Variants in ZNF654 observed in about 807,000 individuals in gnomAD.
ZNF654 encodes zinc finger protein 654, also known as melanoma-associated antigen.
Under a neutral mutation model 95.3 loss-of-function variants are expected in ZNF654, and 19 were observed. That is an observed-to-expected ratio of 0.20 (90% CI 0.14 to 0.29). ZNF654 has a LOEUF of 0.29. Ranked by LOEUF, ZNF654 falls within the 10% of genes least tolerant of loss-of-function variation. The pLI is 1.00. For synonymous variants in ZNF654, 413 were observed against 457.9 expected, an observed-to-expected ratio of 0.90 and a Z score of 1.25; for missense variants, 1,046 against 1,341.0, an observed-to-expected ratio of 0.78 and a Z score of 3.44.
intron 3 of ZNF654, among the ~76,000 whole-genome samples, chr3:88,115,549 T>C (rs1371749484): frequency 2.6e-5 from 4 of 152,194 alleles, no homozygotes; most frequent in Admixed American, 1.3e-4. Flanking sequence ...TGGATTTTTA[T>C]TTTTACAATA....
intron 2 of ZNF654, among the ~76,000 whole-genome samples, chr3:88,088,749 T>TGG (rs1346042890): frequency 4.3e-5 from 3 of 69,906 alleles, no homozygotes; most frequent in African/African-American, 1.3e-4. Flanking sequence ...TTTATTTATG[T>TGG]ATGTATGTAT....
At position 88,139,152 on chromosome 3, in the gene ZNF654, T is replaced by C. The variant is rs1458615164; in HGVS notation, c.1483T>C (p.Leu495=). 1 of 1,319,380 alleles carries C rather than the reference T, an allele frequency of 7.6e-7. No individual in the cohort carries two copies. The highest frequency in any genetic ancestry group is 2.7e-5 in the South Asian group (1 of 36,732). 81.7% of individuals were successfully genotyped at this position (1,319,380 alleles called of 1,614,324 possible). Residue 495 remains leucine, a synonymous_variant, in exon 8 of 9, where the codon TTG becomes CTG. Coordinates refer to ENST00000636215, the MANE Select transcript of ZNF654 (RefSeq NM_001350134.2). The part of the protein sequence containing the change: ...NLKRTEEQQG[L]DEGFDSLTDQ... ...AAAAAGGACGGAGGAACAGCAAGGTTTGGATGAAGGGTTTGACTCTCTTAC... is the reference window on the plus strand; with the variant it reads ...AAAAAGGACGGAGGAACAGCAAGGTCTGGATGAAGGGTTTGACTCTCTTAC...
At chr3:88,101,956 G>T (rs1704451796) in intron 2 of ZNF654, among the ~76,000 whole-genome samples, 1 of 151,648 alleles carries the variant, frequency 6.6e-6, no homozygotes, top group Non-Finnish European at 1.5e-5. Context: ...TATTTTCTTT[G>T]GCAAAATCTA....
In ZNF654 at chr3:88,140,896, C is replaced by T. The variant is rs1707087364; in HGVS notation, c.3227C>T (p.Ala1076Val). The change falls in exon 8 of 9, where the codon GCC becomes GTC. Residue 1076 changes from alanine to valine, a missense_variant. By Grantham distance (64) the Ala-to-Val change is moderately conservative. This residue lies in a region of ZNF654 where 59 missense variants were observed against 73.0 expected (regional missense o/e 0.81). Coordinates refer to ENST00000636215, the MANE Select transcript of ZNF654 (RefSeq NM_001350134.2). The part of the protein sequence containing the change: ...RRKFLTDRVD[A>V]CSDQDNVYKK... Reference sequence around the variant, plus strand: ...AAATTTCTGACTGATAGAGTAGATGCCTGTTCTGATCAAGATAACGTGTAT... The same window carrying T: ...AAATTTCTGACTGATAGAGTAGATGTCTGTTCTGATCAAGATAACGTGTAT... 2 of 1,613,514 alleles carry T rather than the reference C, an allele frequency of 1.2e-6. No individual in the cohort carries two copies. Among genetic ancestry groups the T allele is most frequent in the African/African-American group, 2.7e-5 (2 of 74,962 alleles).
rs137950547 is a variant in ZNF654, at chr3:88,133,976, G to A, written c.894-1085G>A. Among the ~76,000 whole-genome samples, 72 of 152,162 alleles carry A rather than the reference G, an allele frequency of 4.7e-4. No homozygotes were observed. The East Asian group carries it at 0.012, about 24-fold the overall frequency. The stretch of plus-strand genomic sequence containing the variant: ...GTTTTGCAGGAATATGATTAGTTCT[G>A]AGTGGGTTCAGGTGATGGAAAGCAA... On this transcript the variant is annotated intron_variant, in intron 6 of 8. Coordinates refer to ENST00000636215, the MANE Select transcript of ZNF654 (RefSeq NM_001350134.2).
chr3:88,112,850 A>G (rs1307216666), intron 2 of ZNF654, among the ~76,000 whole-genome samples: 1 of 152,034 alleles, frequency 6.6e-6, no homozygotes, highest in East Asian at 1.9e-4. Flanking sequence ...ATTGTATTGC[A>G]TTGTGGTCAT....
intron 3 of ZNF654, among the ~76,000 whole-genome samples, chr3:88,123,801 C>T (rs1705923679): frequency 6.6e-6 from 1 of 152,134 alleles, no homozygotes; most frequent in Non-Finnish European, 1.5e-5. Flanking sequence ...TAGTGTCCAA[C>T]TTACCTTATT....
rs1443070994 is a variant in ZNF654 at position 88,143,002 on chromosome 3, G to T, written c.*1350G>T. The T allele has an allele frequency of 1.3e-5, 2 of 152,004 alleles. No homozygotes were observed. Among genetic ancestry groups the T allele is most frequent in the African/African-American group, 4.8e-5 (2 of 41,342 alleles). The allele number at this position is 152,004 out of a possible 1,614,324, so 9.4% of individuals were successfully genotyped here. A position where few individuals can be genotyped will look rare whatever the true frequency, so the allele number is the denominator to read the frequency against. ...CTAATAGTGTGTAAATCTAAAACAG[G>T]GATTAAAATAACAAAAAGGCAGTGT... On this transcript the variant is annotated 3_prime_UTR_variant, in exon 9 of 9. Transcript: ENST00000636215.
rs1707258994 is a variant in ZNF654, at chr3:88,144,379, T to C, written c.*2727T>C. 6.6e-6 allele frequency: 1 copy of C among 152,440 alleles called. No homozygotes were observed. Among genetic ancestry groups the C allele is most frequent in the South Asian group, 2.1e-4 (1 of 4,834 alleles). The allele number at this position is 152,440 out of a possible 1,614,324, so 9.4% of individuals were successfully genotyped here. ...ATGAAAAACCTAAAAGGGATGATAGTGTTTATTTTTTAATTTATTTGGTAC... is the reference window on the plus strand; with the variant it reads ...ATGAAAAACCTAAAAGGGATGATAGCGTTTATTTTTTAATTTATTTGGTAC... On this transcript the variant is annotated 3_prime_UTR_variant, in exon 9 of 9. Transcript: ENST00000636215.
At chr3:88,071,509 G>A (rs1043784501) in intron 1 of ZNF654, among the ~76,000 whole-genome samples, 6 of 152,162 alleles carry the variant, frequency 3.9e-5, no homozygotes, top group South Asian at 2.1e-4. Flanking sequence ...GGCTGGGCGC[G>A]GTAGCGGGCG....
chr3:88,066,372 G>A (rs896041044), intron 1 of ZNF654, among the ~76,000 whole-genome samples: 19 of 152,142 alleles, frequency 1.2e-4, no homozygotes, highest in African/African-American at 4.6e-4. Flanking sequence ...TCAGGAGTTC[G>A]ATACCAGCCT....
rs141314769 is a variant in ZNF654, at chr3:88,113,255, C to T, written c.414+59C>T. The T allele has an allele frequency of 2.0e-4, 207 of 1,040,930 alleles. No homozygotes were observed. The African/African-American group carries it at 2.4e-3, about 12-fold the overall frequency. 64.5% of individuals were successfully genotyped at this position (1,040,930 alleles called of 1,614,324 possible). A position where few individuals can be genotyped will look rare whatever the true frequency, so the allele number is the denominator to read the frequency against. On this transcript the variant is annotated intron_variant, in intron 3 of 8. Coordinates refer to ENST00000636215, the MANE Select transcript of ZNF654 (RefSeq NM_001350134.2). Reference sequence around the variant, plus strand: ...ACACTTAAAATAGACCATTATGCTCCCCCTAAATATAGCTTATTGGTTATT... The same window carrying T: ...ACACTTAAAATAGACCATTATGCTCTCCCTAAATATAGCTTATTGGTTATT...
At chr3:88,063,204 C>T (rs1397530085) in intron 1 of ZNF654, among the ~76,000 whole-genome samples, 1 of 152,068 alleles carries the variant, frequency 6.6e-6, no homozygotes, top group Non-Finnish European at 1.5e-5. Context: ...CAGGATGGCT[C>T]TAACAACAAA....
At chr3:88,061,762 T>G (rs1195088917) in intron 1 of ZNF654, among the ~76,000 whole-genome samples, 1 of 152,226 alleles carries the variant, frequency 6.6e-6, no homozygotes, top group African/African-American at 2.4e-5. Context: ...TTTAAAAATT[T>G]GGTTTTCTGA....
intron 1 of ZNF654, among the ~76,000 whole-genome samples, chr3:88,068,177 A>T (rs1427569845): frequency 6.6e-6 from 1 of 151,692 alleles, no homozygotes; most frequent in African/African-American, 2.4e-5. Flanking sequence ...GATCATTGTG[A>T]ATGCAGAGTG....
In ZNF654 at chr3:88,140,908, A is replaced by C; in HGVS notation, c.3239A>C (p.Gln1080Pro). 3.7e-6 allele frequency: 6 copies of C among 1,613,634 alleles called. No individual in the cohort carries two copies. Among genetic ancestry groups the C allele is most frequent in the Non-Finnish European group, 4.2e-6 (5 of 1,179,658 alleles). ...GATAGAGTAGATGCCTGTTCTGATC[A>C]AGATAACGTGTATAAAAAATCAGTG... is the stretch of plus-strand genomic sequence containing the variant. ...LTDRVDACSD[Q>P]DNVYKKSVKR... The change falls in exon 8 of 9, where the codon CAA (glutamine) becomes CCA (proline). Residue 1080 changes from glutamine (Q) to proline (P), a missense_variant. This residue lies in a region of ZNF654 where 59 missense variants were observed against 73.0 expected (regional missense o/e 0.81). Coordinates refer to ENST00000636215, the MANE Select transcript of ZNF654 (RefSeq NM_001350134.2).
chr3:88,086,425 A>G, intron 2 of ZNF654, 23 bp downstream of exon 2: 1 of 1,456,806 alleles, frequency 6.9e-7, no homozygotes, highest in Non-Finnish European at 9.1e-7. Context: ...TACTTCTTAT[A>G]AATGCATTAT....
chr3:88,109,142 AG>A (rs1188922298), intron 2 of ZNF654, among the ~76,000 whole-genome samples: 2 of 142,434 alleles, frequency 1.4e-5, no homozygotes, highest in South Asian at 4.7e-4. Context: ...AGTGGGCACT[AG>A]TGTGTGTGTG....
At chr3:88,071,246 G>A (rs1360114642) in intron 1 of ZNF654, among the ~76,000 whole-genome samples, 4 of 152,086 alleles carry the variant, frequency 2.6e-5, no homozygotes, top group East Asian at 3.9e-4. Flanking sequence ...GTGGTGGCTC[G>A]CGGCTGTAAT....
Sources: gnomAD v4.1 joint callset for allele counts (sites outside exome capture counted in the v4.1 genomes callset) on GRCh38, gnomAD v4.1.1 for gene constraint, gnomAD v4.1.1 regional missense constraint, MANE v1.5 for transcripts, NCBI Gene and HGNC (gene_info 2026-07-23, HGNC 2026-07-21) for gene names.